The following NLRP7 variants were observed in gnomAD, a reference collection of about 807,000 sequenced individuals.
NLRP7 encodes NLR family pyrin domain containing 7.
In NLRP7, 72 loss-of-function variants were observed where a neutral mutation model predicts 85.5. That is an observed-to-expected ratio of 0.84 (90% confidence interval 0.70 to 1.02). The LOEUF is 1.02. Ranked by LOEUF, NLRP7 falls within the 50% of genes least tolerant of loss-of-function variation. NLRP7 has a pLI of 0.00. For synonymous variants in NLRP7, 550 were observed against 505.2 expected, an observed-to-expected ratio of 1.09 and a Z score of -1.19; for missense variants, 1,243 against 1,219.5, an observed-to-expected ratio of 1.02 and a Z score of -0.29.
intron 5 of NLRP7, among the ~76,000 whole-genome samples, chr19:54,936,979 G>A (rs753577361): frequency 4.0e-5 from 6 of 151,714 alleles, no homozygotes; most frequent in Admixed American, 6.6e-5. Context: ...TTGGGAGGCC[G>A]AGGCCGAGGC....
rs1013973282 is a variant in NLRP7, at chr19:54,934,812, C to T, written c.2301-153G>A. On this transcript the variant is annotated intron_variant, in intron 6 of 9. Transcript: ENST00000340844. This position sits in a 1 kb window ranked among gnomAD's most constrained non-coding sequence, Gnocchi z 6.7. ...GCAGCCTCCGCCTCCCGGGTTCAAG[C>T]TATTCTCCTGCCTCAGCCTCCGAAG... Among the ~76,000 whole-genome samples the T allele has an allele frequency of 2.0e-5, 3 of 151,994 alleles. No homozygotes were observed. Among genetic ancestry groups the T allele is most frequent in the Non-Finnish European group, 2.9e-5 (2 of 67,978 alleles).
chr19:54,945,162 G>A (rs2069410197), intron 1 of NLRP7, among the ~76,000 whole-genome samples: 1 of 147,276 alleles, frequency 6.8e-6, no homozygotes, highest in Admixed American at 6.8e-5. Context: ...AGAATGGCTT[G>A]AACCTGGGAG....
chr19:54,944,479 C>T lies in NLRP7; in HGVS notation c.-39-2729G>A, dbSNP rs150410263. Among the ~76,000 whole-genome samples the T allele has an allele frequency of 7.1e-3, 1,076 of 152,170 alleles. 12 individuals are homozygous for T. The highest frequency in any genetic ancestry group is 0.024 in the African/African-American group (997 of 41,512). The stretch of plus-strand genomic sequence containing the variant: ...TTACCCTATTGTCCTGCCACATCCC[C>T]GTCTCCGAGATGGTAGAGATAATGA... On this transcript the variant is annotated intron_variant, in intron 1 of 9. Coordinates refer to ENST00000340844, the Ensembl canonical transcript of NLRP7.
chr19:54,947,153 C>T (rs1225807214), intron 1 of NLRP7, among the ~76,000 whole-genome samples: 6 of 151,910 alleles, frequency 3.9e-5, no homozygotes, highest in African/African-American at 4.8e-5. Flanking sequence ...GGTGAGACCC[C>T]GTCTCTACTA....
At chr19:54,938,971 G>T (rs754221680) in exon 4 of NLRP7, 1 of 1,614,180 alleles carries the variant, frequency 6.2e-7, no homozygotes, top group Admixed American at 1.7e-5. Flanking sequence ...GTTTCTGCAA[G>T]TCTTGACAAT....
intron 1 of NLRP7, among the ~76,000 whole-genome samples, chr19:54,944,619 C>A (rs1362932618): frequency 6.6e-6 from 1 of 152,032 alleles, no homozygotes; most frequent in Non-Finnish European, 1.5e-5. Flanking sequence ...CTCGTCCCAC[C>A]TGACAAGAAA....
intron 1 of NLRP7, among the ~76,000 whole-genome samples, chr19:54,954,030 A>AAGGGCAACCGAGGCCAGACGTGGTGGC (rs1395778675): frequency 3.4e-5 from 5 of 149,002 alleles, no homozygotes; most frequent in African/African-American, 9.9e-5. Context: ...ATAAATAAAA[A>AAGGGCAACCGAGGCCAGACGTGGTGGC]TAAATAAAGC....
chr19:54,925,684 C>A (rs2068399800), intron 9 of NLRP7, among the ~76,000 whole-genome samples: 1 of 152,026 alleles, frequency 6.6e-6, no homozygotes, highest in East Asian at 1.9e-4. Flanking sequence ...CAAGAAGAAA[C>A]TAAAGGTAGA....
At chr19:54,931,559 A>G (rs2068678027) in intron 8 of NLRP7, among the ~76,000 whole-genome samples, 1 of 152,104 alleles carries the variant, frequency 6.6e-6, no homozygotes, top group South Asian at 2.1e-4. Context: ...GTGGTGGCAC[A>G]TGCCTGTAAT....
chr19:54,947,534 G>A (rs974707003), upstream of NLRP7: 2 of 1,289,544 alleles, frequency 1.6e-6, no homozygotes, highest in Non-Finnish European at 2.0e-6. Flanking sequence ...AAAAGGGGAG[G>A]TCTCTGGCCC....
At chr19:54,937,736 A>C (rs1191053113) in intron 5 of NLRP7, among the ~76,000 whole-genome samples, 1 of 152,064 alleles carries the variant, frequency 6.6e-6, no homozygotes, top group Non-Finnish European at 1.5e-5. Context: ...TGTCTGTGCT[A>C]AAAGTACAAA....
exon 2 of NLRP7, chr19:54,941,652 A>G (rs774598160): frequency 1.9e-6 from 3 of 1,613,798 alleles, no homozygotes; most frequent in Non-Finnish European, 2.5e-6. Context: ...TCTTTAATTC[A>G]TCCTCGTTCA....
At position 54,956,138 on chromosome 19, in the gene NLRP7, A is replaced by AGGAAGGAGGGAAGGAGGGAAGGAG. The variant is rs376708977; in HGVS notation, c.-76-8657_-76-8634dup. Among the ~76,000 whole-genome samples the AGGAAGGAGGGAAGGAGGGAAGGAG allele has an allele frequency of 4.4e-5, 6 of 137,484 alleles. No homozygotes were observed. The South Asian group carries it at 1.0e-3, about 24-fold the overall frequency. The allele number at this position is 137,484 out of a possible 152,430, so 90.2% of individuals were successfully genotyped here. On this transcript the variant is annotated intron_variant, in intron 1 of 2. Coordinates refer to the NLRP7 transcript ENST00000587103. ...CTGGGCAACAGAGGGAGAGAAAGGAAGGAAGGAGGGAAGGAGGGAAGGAGG... is the reference window on the plus strand; with the variant it reads ...CTGGGCAACAGAGGGAGAGAAAGGAAGGAAGGAGGGAAGGAGGGAAGGAGGGAAGGAGGGAAGGAGGGAAGGAGG...
Position 54,959,224 on chromosome 19 carries a change from C to T in NLRP7, c.-77+6816G>A, listed in dbSNP as rs1320775959. Among the ~76,000 whole-genome samples the T allele has an allele frequency of 2.4e-4, 36 of 150,750 alleles. 1 individual carries two copies. The highest frequency in any genetic ancestry group is 2.0e-3 in the Admixed American group (30 of 15,092). On this transcript the variant is annotated intron_variant, in intron 1 of 2. Coordinates refer to the NLRP7 transcript ENST00000587103. The stretch of plus-strand genomic sequence containing the variant: ...CACAATCTCGGCTCACTGCAAGCTC[C>T]GCCTCCTGGATTCAAGCAATTCTGC...
At position 54,930,670 on chromosome 19, in the gene NLRP7, C is replaced by T. The variant is rs2146171204; in HGVS notation, c.2643-4G>A. ...GGTTATGCTGCATTGCTGTAACCTA[C>T]AGGATAATCAAAGGAAGAGAAGCCT... On this transcript the variant is annotated splice_polypyrimidine_tract_variant and splice_region_variant and intron_variant, in intron 8 of 9. Coordinates refer to ENST00000340844, the Ensembl canonical transcript of NLRP7. 1.9e-6 allele frequency: 3 copies of T among 1,612,962 alleles called. No individual in the cohort carries two copies. Among genetic ancestry groups the T allele is most frequent in the Non-Finnish European group, 2.5e-6 (3 of 1,179,062 alleles).
rs2068786410 is a variant in NLRP7 at position 54,934,024 on chromosome 19, ATCG to A, written c.2472-288_2472-286del. 1.3e-5 allele frequency among the ~76,000 whole-genome samples: 2 copies of A among 152,118 alleles called. No individual in the cohort carries two copies. Among genetic ancestry groups the A allele is most frequent in the African/African-American group, 2.4e-5 (1 of 41,434 alleles). On this transcript the variant is annotated intron_variant, in intron 7 of 9. Transcript: ENST00000340844. This position sits in a 1 kb window ranked among gnomAD's most constrained non-coding sequence, Gnocchi z 6.7. The stretch of plus-strand genomic sequence containing the variant: ...GTGGCGCGATCTCGGTTCACTGCCA[ATCG>A]CCGCCTCCCAGGTTTACACCATTCT...
chr19:54,934,606 A>C lies in NLRP7; in HGVS notation c.2354T>G (p.Leu785Arg). 1 of 1,614,106 alleles carries C rather than the reference A, an allele frequency of 6.2e-7. No individual in the cohort carries two copies. Among genetic ancestry groups the C allele is most frequent in the Non-Finnish European group, 8.5e-7 (1 of 1,180,000 alleles). The change falls in exon 7 of 10, where the codon CTC becomes CGC. Residue 785 changes from leucine to arginine, a missense_variant. Physicochemically the swap from Leu to Arg is moderately radical, Grantham distance 102. Transcript: ENST00000340844. This position sits in a 1 kb window ranked among gnomAD's most constrained non-coding sequence, Gnocchi z 6.7. ...GTGCTTCAGGGACTGGTTGGCTTTG[A>C]GGACATAGAAGAATTCAGCCCACTG...
Position 54,933,508 on chromosome 19 carries a change from C to T in NLRP7, c.2642+61G>A, listed in dbSNP as rs569227413. 5 of 1,582,022 alleles carry T rather than the reference C, an allele frequency of 3.2e-6. No homozygotes were observed. The Admixed American group carries it at 5.0e-5, about 16-fold the overall frequency. ...TACATTTGAAATGAATTAACAAGTA[C>T]TTTCATGTCTCTCCTGCTTGAATTC... On this transcript the variant is annotated intron_variant, in intron 8 of 9. Transcript: ENST00000340844.
exon 4 of NLRP7, chr19:54,940,122 C>G: frequency 6.2e-7 from 1 of 1,614,218 alleles, no homozygotes; most frequent in Non-Finnish European, 8.5e-7. Flanking sequence ...TCCTGCAATT[C>G]AGGCCAGTCT....
Sources: allele counts gnomAD v4.1 joint callset (sites outside exome capture counted in the v4.1 genomes callset), GRCh38; gene constraint gnomAD v4.1.1; non-coding constraint Gnocchi (gnomAD v3.1); transcripts MANE v1.5; gene names NCBI Gene and HGNC (gene_info 2026-07-23, HGNC 2026-07-21).